The following DIPK2A variants were observed in gnomAD, a reference collection of about 807,000 sequenced individuals.
DIPK2A encodes Golgi Protein of 49 kDa.
Under a neutral mutation model 39.0 loss-of-function variants are expected in DIPK2A, and 27 were observed. That is an observed-to-expected ratio of 0.69 (90% CI 0.51 to 0.96). DIPK2A has a LOEUF of 0.96. DIPK2A is among the 40% of genes least tolerant of loss of function. The pLI, the probability that DIPK2A is intolerant of heterozygous loss-of-function variation, is 0.00. For synonymous variants in DIPK2A, 298 were observed against 240.8 expected (o/e 1.24, Z -2.20); for missense variants, 528 against 571.3 (o/e 0.92, Z 0.77).
chr3:143,986,531 T>C (rs2087901971), intron 2 of DIPK2A, among the ~76,000 whole-genome samples: 1 of 152,054 alleles, frequency 6.6e-6, no homozygotes, highest in Admixed American at 6.5e-5. Context: ...GAGACCATCC[T>C]GGCTAACACG....
At position 143,972,288 on chromosome 3, in the gene DIPK2A, G is replaced by A; in HGVS notation, c.-45G>A. On this transcript the variant is annotated 5_prime_UTR_variant, in exon 1 of 3. Transcript: ENST00000315691. ...CTCCGGGTCTTGGCGCGGCGGGGGC[G>A]CCCCGGGGGTGCCCTCGCCCTCCCG... 7.5e-7 allele frequency: 1 copy of A among 1,333,398 alleles called. No individual in the cohort carries two copies. Among genetic ancestry groups the A allele is most frequent in the Non-Finnish European group, 9.6e-7 (1 of 1,046,822 alleles). The allele number at this position is 1,333,398 out of a possible 1,614,324, so 82.6% of individuals were successfully genotyped here.
chr3:143,972,081 G>C lies in DIPK2A; in HGVS notation c.-252G>C. 1 of 384,474 alleles carries C rather than the reference G, an allele frequency of 2.6e-6. No homozygotes were observed. Among genetic ancestry groups the C allele is most frequent in the Non-Finnish European group, 4.6e-6 (1 of 217,756 alleles). The allele number at this position is 384,474 out of a possible 1,614,324, so 23.8% of individuals were successfully genotyped here. A position where few individuals can be genotyped will look rare whatever the true frequency, so the allele number is the denominator to read the frequency against. ...CGTGGAGGAGGCGCCGCCGGAGTCG[G>C]AGGGCGGGGAGCTAGGAGGAGGGAG... On this transcript the variant is annotated 5_prime_UTR_variant, in exon 1 of 3. Coordinates refer to ENST00000315691, the MANE Select transcript of DIPK2A (RefSeq NM_173552.5).
Position 143,971,999 on chromosome 3 carries a change from C to T in DIPK2A, c.-334C>T, listed in dbSNP as rs2087652704. Reference sequence around the variant, plus strand: ...GTGCGCGTGCGCGCGGGCACGGGCGCGCGACCGTCGGGTCCCCGCGCTCCC... The same window carrying T: ...GTGCGCGTGCGCGCGGGCACGGGCGTGCGACCGTCGGGTCCCCGCGCTCCC... On this transcript the variant is annotated 5_prime_UTR_variant, in exon 1 of 3. Transcript: ENST00000315691. 1.4e-5 allele frequency: 4 copies of T among 279,674 alleles called. No homozygotes were observed. Among genetic ancestry groups the T allele is most frequent in the African/African-American group, 6.5e-5 (3 of 45,876 alleles). 17.3% of individuals were successfully genotyped at this position (279,674 alleles called of 1,614,324 possible). A position where few individuals can be genotyped will look rare whatever the true frequency, so the allele number is the denominator to read the frequency against.
Position 143,976,527 on chromosome 3 carries a change from G to GGA in DIPK2A, c.657+3542_657+3543dup, listed in dbSNP as rs1405275419. On this transcript the variant is annotated intron_variant, in intron 1 of 2. Coordinates refer to ENST00000315691, the MANE Select transcript of DIPK2A (RefSeq NM_173552.5). ...TTTAACCTATTGAATTTACAGAAAGGGAGAGTGTGTGTGTGTGTGTGTGTG... is the reference window on the plus strand; with the variant it reads ...TTTAACCTATTGAATTTACAGAAAGGGAGAGAGTGTGTGTGTGTGTGTGTGTG... Among the ~76,000 whole-genome samples the GGA allele has an allele frequency of 1.4e-3, 191 of 132,528 alleles. 1 individual carries two copies. Among genetic ancestry groups the GGA allele is most frequent in the South Asian group, 4.2e-3 (17 of 4,064 alleles). 86.9% of individuals were successfully genotyped at this position (132,528 alleles called of 152,430 possible).
chr3:143,983,708 A>G (rs2087859158), intron 1 of DIPK2A, among the ~76,000 whole-genome samples: 1 of 152,230 alleles, frequency 6.6e-6, no homozygotes, highest in African/African-American at 2.4e-5. Flanking sequence ...AACTAAAATC[A>G]GAGCAGAACT....
At chr3:143,981,644 A>G (rs1202173982) in intron 1 of DIPK2A, among the ~76,000 whole-genome samples, 5 of 152,190 alleles carry the variant, frequency 3.3e-5, no homozygotes, top group Non-Finnish European at 7.3e-5. Flanking sequence ...AATCTGAAAA[A>G]TTCTTAAACA....
In DIPK2A at chr3:143,972,573, C is replaced by G. The variant is rs781630693; in HGVS notation, c.241C>G (p.Arg81Gly). Residue 81 changes from arginine (R) to glycine (G), a missense_variant, in exon 1 of 3, where the codon CGC (arginine) becomes GGC (glycine). Transcript: ENST00000315691. Reference sequence around the variant, plus strand: ...GGTATTCGAGGCGTGGGGCCGCTTGCGCCTGCTGGACTTCCTCAACGTGAA... The same window carrying G: ...GGTATTCGAGGCGTGGGGCCGCTTGGGCCTGCTGGACTTCCTCAACGTGAA... Reference protein sequence around the residue: ...QVVFEAWGRLRLLDFLNVKNV... With the variant: ...QVVFEAWGRLGLLDFLNVKNV... 5 of 1,612,104 alleles carry G rather than the reference C, an allele frequency of 3.1e-6. No homozygotes were observed. The African/African-American group carries it at 6.7e-5, about 22-fold the overall frequency.
rs148707825 is a variant in DIPK2A at position 143,972,120 on chromosome 3, G to T, written c.-213G>T. ...AGGAGGAGGGAGCTCGAGAGTTGTG[G>T]AGACTAGTGACTGGGAGAAGTCGCA... On this transcript the variant is annotated 5_prime_UTR_variant, in exon 1 of 3. Transcript: ENST00000315691. 6,938 of 409,158 alleles carry T rather than the reference G, an allele frequency of 0.017. 103 individuals are homozygous for T. Among genetic ancestry groups the T allele is most frequent in the South Asian group, 0.048 (456 of 9,424 alleles). 25.3% of individuals were successfully genotyped at this position (409,158 alleles called of 1,614,324 possible). A position where few individuals can be genotyped will look rare whatever the true frequency, so the allele number is the denominator to read the frequency against.
intron 2 of DIPK2A, among the ~76,000 whole-genome samples, chr3:143,987,689 CCTTT>C (rs1313527582): frequency 6.6e-6 from 1 of 152,186 alleles, no homozygotes; most frequent in Non-Finnish European, 1.5e-5. Flanking sequence ...CCACCTCCTT[CCTTT>C]AATATCCAAC....
chr3:143,979,613 GA>G (rs926407349), intron 1 of DIPK2A, among the ~76,000 whole-genome samples: 1 of 152,104 alleles, frequency 6.6e-6, no homozygotes, highest in Non-Finnish European at 1.5e-5. Context: ...ATACCCCTGG[GA>G]CACAGTAAGG....
chr3:143,973,049 C>A, intron 1 of DIPK2A, 60 bp downstream of exon 1: 3 of 1,514,314 alleles, frequency 2.0e-6, no homozygotes, highest in South Asian at 1.2e-5. Flanking sequence ...GAATCAGAGT[C>A]GGGAGAAGTG....
At chr3:143,987,292 A>G (rs1404700091) in intron 2 of DIPK2A, among the ~76,000 whole-genome samples, 4 of 152,210 alleles carry the variant, frequency 2.6e-5, no homozygotes, top group African/African-American at 7.2e-5. Context: ...TGTTTATAAC[A>G]ATAATTTTTT....
chr3:143,982,966 A>G (rs150887425), intron 1 of DIPK2A, among the ~76,000 whole-genome samples: 273 of 152,334 alleles, frequency 1.8e-3, no homozygotes, highest in African/African-American at 6.2e-3. Context: ...CTTTAAACCA[A>G]CAAAGATCAT....
intron 2 of DIPK2A, among the ~76,000 whole-genome samples, chr3:143,987,796 C>T (rs567688811): frequency 6.6e-5 from 10 of 152,284 alleles, no homozygotes; most frequent in Non-Finnish European, 1.2e-4. Flanking sequence ...TGCCTTTCTG[C>T]TTCCTCAGCC....
intron 1 of DIPK2A, among the ~76,000 whole-genome samples, chr3:143,981,342 C>G (rs2087826416): frequency 6.6e-6 from 1 of 152,126 alleles, no homozygotes; most frequent in South Asian, 2.1e-4. Context: ...CTATAAGTCC[C>G]AACATGATCT....
intron 1 of DIPK2A, 145 bp downstream of exon 1, chr3:143,973,134 C>T (rs1559852162): frequency 3.3e-6 from 4 of 1,203,188 alleles, no homozygotes; most frequent in East Asian, 5.1e-5. Flanking sequence ...GGGGCGTCTC[C>T]GGGGGAGCCC....
rs1454966073 is a variant in DIPK2A, at chr3:143,990,648, A to G, written c.*807A>G. On this transcript the variant is annotated 3_prime_UTR_variant, in exon 3 of 3. Transcript: ENST00000315691. The stretch of plus-strand genomic sequence containing the variant: ...AAGGCTTTAAGAAGAATATACTAGA[A>G]TCTATATATTGATGTTAATTTTGAT... 1 of 152,544 alleles carries G rather than the reference A, an allele frequency of 6.6e-6. No individual in the cohort carries two copies. The highest frequency in any genetic ancestry group is 2.4e-5 in the African/African-American group (1 of 41,440). 9.4% of individuals were successfully genotyped at this position (152,544 alleles called of 1,614,324 possible).
chr3:143,982,924 G>A (rs1310176903), intron 1 of DIPK2A, among the ~76,000 whole-genome samples: 1 of 151,638 alleles, frequency 6.6e-6, no homozygotes, highest in African/African-American at 2.4e-5. Flanking sequence ...AAAAACAAAA[G>A]GGGTTGCAAT....
At chr3:143,978,677 T>TAG (rs2087783115) in intron 1 of DIPK2A, among the ~76,000 whole-genome samples, 1 of 49,972 alleles carries the variant, frequency 2.0e-5, no homozygotes, top group African/African-American at 1.1e-4. Flanking sequence ...TAGATATATA[T>TAG]ATATCTATAT....
Sources: gnomAD v4.1 joint callset for allele counts (sites outside exome capture counted in the v4.1 genomes callset) on GRCh38, gnomAD v4.1.1 for gene constraint, MANE v1.5 for transcripts, NCBI Gene and HGNC (gene_info 2026-07-23, HGNC 2026-07-21) for gene names.